Variants in STPG2 observed in about 807,000 individuals in gnomAD.
STPG2 encodes the protein sperm-tail PG-rich repeat-containing protein 2.
In STPG2, 56 loss-of-function variants were observed where a neutral mutation model predicts 54.2. The ratio of observed to expected loss-of-function variants is 1.03; its 90% CI spans 0.83 to 1.29. The LOEUF (loss-of-function observed/expected upper bound fraction) is 1.29, where lower values mean the gene tolerates loss of function less well. Among genes scored for constraint, STPG2 ranks in the 50% most tolerant of loss-of-function variants. The probability of loss-of-function intolerance (pLI) is 0.00; values close to 1 mark genes in which losing one functional copy is unlikely to be tolerated. For missense variants in STPG2, 596 were observed against 544.9 expected, an observed-to-expected ratio of 1.09 and a Z score of -0.93; for synonymous variants, 200 against 181.8, an observed-to-expected ratio of 1.10 and a Z score of -0.81.
At chr4:97,741,072 A>G (rs1725213910) in intron 9 of STPG2, among the ~76,000 whole-genome samples, 1 of 152,144 alleles carries the variant, frequency 6.6e-6, no homozygotes, top group African/African-American at 2.4e-5. Flanking sequence ...ATCTACAACT[A>G]TCTGATCTTT....
chr4:97,659,125 C>A (rs1326972004), intron 10 of STPG2, among the ~76,000 whole-genome samples: 1 of 151,952 alleles, frequency 6.6e-6, no homozygotes, highest in Non-Finnish European at 1.5e-5. Context: ...TATAAAGTAA[C>A]CATGAAAACA....
intron 9 of STPG2, among the ~76,000 whole-genome samples, chr4:97,816,022 C>T (rs1052737705): frequency 2.0e-5 from 3 of 152,046 alleles, no homozygotes; most frequent in African/African-American, 7.2e-5. Flanking sequence ...TAATGCTATC[C>T]CTCCCCTAGC....
chr4:97,474,927 T>A (rs1730034137), intron 4 of STPG2, among the ~76,000 whole-genome samples: 1 of 152,168 alleles, frequency 6.6e-6, no homozygotes, highest in Middle Eastern at 3.4e-3. Flanking sequence ...GTATATATAA[T>A]TCTTTAACAT....
intron 8 of STPG2, among the ~76,000 whole-genome samples, chr4:97,901,488 T>A (rs1205956297): frequency 6.6e-6 from 1 of 151,988 alleles, no homozygotes; most frequent in Non-Finnish European, 1.5e-5. Context: ...TACAGTAATG[T>A]TACAGAATAC....
chr4:97,720,051 TA>T (rs1724402217), intron 9 of STPG2, among the ~76,000 whole-genome samples: 1 of 151,976 alleles, frequency 6.6e-6, no homozygotes, highest in Non-Finnish European at 1.5e-5. Flanking sequence ...CATACTATTT[TA>T]ATCTTGGACC....
chr4:97,653,236 C>T (rs186307700), intron 10 of STPG2, among the ~76,000 whole-genome samples: 8 of 151,904 alleles, frequency 5.3e-5, no homozygotes, highest in African/African-American at 1.4e-4. Flanking sequence ...TAGGGAACCA[C>T]GTAGCAGCAC....
At chr4:97,453,807 AG>A (rs989454322) in intron 4 of STPG2, among the ~76,000 whole-genome samples, 85 of 152,342 alleles carry the variant, frequency 5.6e-4, no homozygotes, top group African/African-American at 2.0e-3. Context: ...CACCACGCTC[AG>A]CACAAACTTA....
chr4:97,622,679 G>A (rs1050715529), intron 10 of STPG2, among the ~76,000 whole-genome samples: 2 of 151,940 alleles, frequency 1.3e-5, no homozygotes, highest in South Asian at 2.1e-4. Context: ...TGTTCAAATG[G>A]CCATACCACC....
rs998773710 is a variant in STPG2, at chr4:98,043,083, T to C, written c.613-61765A>G. Reference sequence around the variant, plus strand: ...AATTGACCCTTTCATCATTGTGAAGTAACCTTTTAGTCTCTAAAGATAGTT... The same window carrying C: ...AATTGACCCTTTCATCATTGTGAAGCAACCTTTTAGTCTCTAAAGATAGTT... On this transcript the variant is annotated intron_variant, in intron 5 of 10. Coordinates refer to ENST00000295268, the MANE Select transcript of STPG2 (RefSeq NM_174952.3). Among the ~76,000 whole-genome samples, 3 of 152,088 alleles carry C rather than the reference T, an allele frequency of 2.0e-5. No individual in the cohort carries two copies. The South Asian group carries it at 6.2e-4, about 32-fold the overall frequency.
chr4:97,480,560 C>T (rs939979202), intron 4 of STPG2, among the ~76,000 whole-genome samples: 1 of 151,600 alleles, frequency 6.6e-6, no homozygotes, highest in African/African-American at 2.4e-5. Context: ...ATAATTCCCA[C>T]TAGAAATGTA....
chr4:97,576,508 C>G (rs1229837576), intron 10 of STPG2, among the ~76,000 whole-genome samples: 1 of 152,056 alleles, frequency 6.6e-6, no homozygotes, highest in African/African-American at 2.4e-5. Flanking sequence ...GAAAGGACTC[C>G]CTTTTCAATA....
intron 4 of STPG2, among the ~76,000 whole-genome samples, chr4:97,539,949 C>T (rs1731651811): frequency 6.6e-6 from 1 of 152,124 alleles, no homozygotes; most frequent in Non-Finnish European, 1.5e-5. Flanking sequence ...ACACAACATA[C>T]CAGAATCTCT....
chr4:97,967,838 T>G (rs532333800), intron 7 of STPG2, among the ~76,000 whole-genome samples: 58 of 152,194 alleles, frequency 3.8e-4, no homozygotes, highest in Admixed American at 7.9e-4. Flanking sequence ...CATACCAGAA[T>G]CTCTGGGACA....
Position 97,972,326 on chromosome 4 carries a change from G to A in STPG2, c.887C>T (p.Ser296Leu), listed in dbSNP as rs137988195. The part of the protein sequence containing the change: ...FGSSVPRTFF[S>L]VQKEACATPG... ...GGTAGCACAAGCTTCTTTCTGAACC[G>A]AGAAGAAAGTCCGAGGAACAGAAGA... The change falls in exon 7 of 11, where the codon TCG (serine) becomes TTG (leucine). Residue 296 changes from serine (S) to leucine (L), a missense_variant. By Grantham distance (145) the Ser-to-Leu change is moderately radical. Transcript: ENST00000295268. 271 of 1,608,448 alleles carry A rather than the reference G, an allele frequency of 1.7e-4. 1 individual carries two copies. Among genetic ancestry groups the A allele is most frequent in the Admixed American group, 2.7e-4 (16 of 59,184 alleles).
intron 7 of STPG2, among the ~76,000 whole-genome samples, chr4:97,958,268 C>G (rs1578731967): frequency 6.6e-6 from 1 of 151,802 alleles, no homozygotes; most frequent in Non-Finnish European, 1.5e-5. Context: ...CAAGATTGAG[C>G]CACTGCACTC....
chr4:97,778,928 T>A (rs1420041622), intron 9 of STPG2, among the ~76,000 whole-genome samples: 1 of 152,160 alleles, frequency 6.6e-6, no homozygotes, highest in Non-Finnish European at 1.5e-5. Context: ...AAACCCCATC[T>A]GAACGTCACC....
At chr4:97,487,155 C>A (rs1023399438) in intron 4 of STPG2, among the ~76,000 whole-genome samples, 6 of 150,724 alleles carry the variant, frequency 4.0e-5, no homozygotes, top group African/African-American at 1.5e-4. Context: ...GTATACTTAA[C>A]TCATATAACC....
chr4:97,833,015 A>T (rs1009346572), intron 9 of STPG2, among the ~76,000 whole-genome samples: 18 of 152,280 alleles, frequency 1.2e-4, no homozygotes, highest in African/African-American at 4.3e-4. Flanking sequence ...AACTACTTTA[A>T]ATTTCATATG....
chr4:98,002,989 G>A (rs1049595302), intron 5 of STPG2, among the ~76,000 whole-genome samples: 1 of 152,056 alleles, frequency 6.6e-6, no homozygotes, highest in African/African-American at 2.4e-5. Flanking sequence ...GCAGCTATAT[G>A]CAACTCAATG....
Sources: gnomAD v4.1 joint callset for allele counts (sites outside exome capture counted in the v4.1 genomes callset) on GRCh38, gnomAD v4.1.1 for gene constraint, MANE v1.5 for transcripts, NCBI Gene and HGNC (gene_info 2026-07-23, HGNC 2026-07-21) for gene names.